The following RYR2 variants were observed in gnomAD, a reference collection of about 807,000 sequenced individuals.
RYR2 encodes the protein ryanodine receptor 2.
A neutral mutation model predicts 601.1 loss-of-function variants in RYR2; 227 were observed. The ratio of observed to expected loss-of-function variants is 0.38; its 90% CI spans 0.34 to 0.42. The LOEUF (loss-of-function observed/expected upper bound fraction) is 0.42. RYR2 is among the 10% of genes least tolerant of loss of function. The pLI, the probability that RYR2 is intolerant of heterozygous loss-of-function variation, is 1.00. For missense variants in RYR2, 4,646 were observed against 6,156.5 expected (o/e 0.75, Z 8.21); for synonymous variants, 2,223 against 2,175.1 (o/e 1.02, Z -0.61).
chr1:237,686,660 G>T (rs1686420387), intron 62 of RYR2, among the ~76,000 whole-genome samples: 1 of 152,114 alleles, frequency 6.6e-6, no homozygotes, highest in Non-Finnish European at 1.5e-5. Flanking sequence ...TCAAGTGTCT[G>T]ATCTGAGAGT....
chr1:237,608,051 C>T (rs767845768), intron 35 of RYR2, among the ~76,000 whole-genome samples: 3 of 152,126 alleles, frequency 2.0e-5, no homozygotes, highest in Non-Finnish European at 4.4e-5. Flanking sequence ...CTAAAAAGAG[C>T]TATGCTGGAG....
intron 74 of RYR2, 120 bp from the exon 75 acceptor site, chr1:237,726,153 G>C (rs1352903726): frequency 9.4e-6 from 7 of 740,854 alleles, no homozygotes; most frequent in Non-Finnish European, 1.6e-5. Context: ...AACCACCGCA[G>C]TCCAAACATT....
At chr1:237,587,261 T>C (rs1404821517) in intron 29 of RYR2, among the ~76,000 whole-genome samples, 1 of 152,210 alleles carries the variant, frequency 6.6e-6, no homozygotes, top group Non-Finnish European at 1.5e-5. Context: ...CCTGCCAACA[T>C]TGAGTGTTAG....
intron 73 of RYR2, among the ~76,000 whole-genome samples, chr1:237,722,259 C>T (rs186425669): frequency 2.6e-5 from 4 of 152,134 alleles, no homozygotes; most frequent in Non-Finnish European, 4.4e-5. Context: ...GTTACAACGT[C>T]TTGTGTTAAG....
chr1:237,474,718 C>CCCTA (rs1236013938), intron 17 of RYR2, among the ~76,000 whole-genome samples: 1 of 151,924 alleles, frequency 6.6e-6, no homozygotes, highest in Admixed American at 6.6e-5. Flanking sequence ...AAGACTCAGG[C>CCCTA]CCTACCTCAA....
In RYR2 at chr1:237,235,783, A is replaced by G. The variant is rs562586451; in HGVS notation, c.49-34714A>G. ...TGTCCCCTCATCCTTTAAGGCTAGG[A>G]ACTTGGTCATTAAAATAGTTTTTAG... On this transcript the variant is annotated intron_variant, in intron 1 of 104. Transcript: ENST00000366574. Among the ~76,000 whole-genome samples the G allele has an allele frequency of 7.2e-5, 11 of 152,358 alleles. No homozygotes were observed. In the East Asian group the frequency reaches 2.1e-3, roughly 29 times the overall value.
intron 98 of RYR2, among the ~76,000 whole-genome samples, chr1:237,803,149 A>G (rs553397601): frequency 6.6e-6 from 1 of 152,148 alleles, no homozygotes; most frequent in Non-Finnish European, 1.5e-5. Flanking sequence ...TTCATGGGAT[A>G]TACCTAAACT....
At chr1:237,578,437 C>CCAACT (rs1673511491) in intron 29 of RYR2, among the ~76,000 whole-genome samples, 1 of 152,132 alleles carries the variant, frequency 6.6e-6, no homozygotes, top group South Asian at 2.1e-4. Flanking sequence ...TTTATCTTCT[C>CCAACT]CAACTCCCTA....
At position 237,551,990 on chromosome 1, in the gene RYR2, A is replaced by G. The variant is rs1572844315; in HGVS notation, c.3214+1299A>G. The stretch of plus-strand genomic sequence containing the variant: ...CATATTTTAGTCCTTTGAATTGAGT[A>G]AAGACATACTTGGCATCTTGACAGA... On this transcript the variant is annotated intron_variant, in intron 27 of 104. Coordinates refer to ENST00000366574, the MANE Select transcript of RYR2 (RefSeq NM_001035.3). Among the ~76,000 whole-genome samples the G allele has an allele frequency of 3.9e-5, 6 of 152,188 alleles. No individual in the cohort carries two copies. The South Asian group carries it at 1.2e-3, about 31-fold the overall frequency.
At chr1:237,435,958 AGGCTGGAATCCTTAGGCATG>A (rs1707310986) in intron 12 of RYR2, among the ~76,000 whole-genome samples, 2 of 152,158 alleles carry the variant, frequency 1.3e-5, no homozygotes. Flanking sequence ...GATTATGATC[AGGCTGGAATCCTTAGGCATG>A]GGCTGATGCT....
rs114155341 is a variant in RYR2 at position 237,187,139 on chromosome 1, T to C, written c.49-83358T>C. ...ACCTTCCAAATTCAGATTAGCCTTG[T>C]AGTAAAAGTATAGTGGCAAGAATGT... On this transcript the variant is annotated intron_variant, in intron 1 of 104. Coordinates refer to ENST00000366574, the MANE Select transcript of RYR2 (RefSeq NM_001035.3). Among the ~76,000 whole-genome samples the C allele has an allele frequency of 5.3e-3, 810 of 152,076 alleles. 8 individuals are homozygous for C. The highest frequency in any genetic ancestry group is 0.03 in the South Asian group (143 of 4,812).
chr1:237,266,178 G>A (rs1398786427), intron 1 of RYR2, among the ~76,000 whole-genome samples: 4 of 152,268 alleles, frequency 2.6e-5, no homozygotes, highest in East Asian at 1.9e-4. Context: ...GCACCTCAGC[G>A]GCTGAATAGC....
chr1:237,515,908 CTCTTCT>C lies in RYR2; in HGVS notation c.2822+4118_2822+4123del, dbSNP rs1215802452. ...CTCCTCCTCCCTCTTCTCCTTCTCC[CTCTTCT>C]CCCTCTCCCTCTTCTCCTTCTTCCT... On this transcript the variant is annotated intron_variant, in intron 24 of 104. Coordinates refer to ENST00000366574, the MANE Select transcript of RYR2 (RefSeq NM_001035.3). 6.6e-3 allele frequency among the ~76,000 whole-genome samples: 929 copies of C among 140,768 alleles called. 4 individuals carry two copies. Among genetic ancestry groups the C allele is most frequent in the East Asian group, 0.041 (191 of 4,644 alleles). 92.3% of individuals were successfully genotyped at this position (140,768 alleles called of 152,430 possible). A position where few individuals can be genotyped will look rare whatever the true frequency, so the allele number is the denominator to read the frequency against.
At chr1:237,729,162 A>G (rs1302189953) in intron 76 of RYR2, among the ~76,000 whole-genome samples, 1 of 152,060 alleles carries the variant, frequency 6.6e-6, no homozygotes, top group Non-Finnish European at 1.5e-5. Context: ...GATGTCATAG[A>G]GTTCTTCCAT....
intron 10 of RYR2, among the ~76,000 whole-genome samples, chr1:237,389,986 G>A (rs922690816): frequency 1.3e-5 from 2 of 152,182 alleles, no homozygotes; most frequent in African/African-American, 2.4e-5. Context: ...TAATCAGGCA[G>A]GGGGCTGAGG....
intron 2 of RYR2, among the ~76,000 whole-genome samples, chr1:237,300,564 C>G (rs1009378521): frequency 1.3e-5 from 2 of 152,162 alleles, no homozygotes; most frequent in Non-Finnish European, 2.9e-5. Flanking sequence ...CAGTGATAAA[C>G]TTTTCAGTGA....
intron 10 of RYR2, among the ~76,000 whole-genome samples, chr1:237,415,569 A>G (rs1343905108): frequency 6.6e-6 from 1 of 152,196 alleles, no homozygotes; most frequent in Non-Finnish European, 1.5e-5. Context: ...ACCAATTTAG[A>G]GGTATGTGTT....
chr1:237,397,297 T>C (rs1702942521), intron 10 of RYR2, among the ~76,000 whole-genome samples: 1 of 151,570 alleles, frequency 6.6e-6, no homozygotes, highest in Non-Finnish European at 1.5e-5. Flanking sequence ...GACAAAAATC[T>C]ATGAAATATT....
intron 17 of RYR2, among the ~76,000 whole-genome samples, chr1:237,488,303 A>G (rs1662922336): frequency 6.6e-6 from 1 of 152,172 alleles, no homozygotes; most frequent in Non-Finnish European, 1.5e-5. Context: ...ACAGAAATGT[A>G]TTTCTCACAG....
Sources: gnomAD v4.1 joint callset for allele counts (sites outside exome capture counted in the v4.1 genomes callset) on GRCh38, gnomAD v4.1.1 for gene constraint, MANE v1.5 for transcripts, NCBI Gene and HGNC (gene_info 2026-07-23, HGNC 2026-07-21) for gene names.